Variants in FAT3 observed in about 807,000 individuals in gnomAD.
The protein encoded by FAT3 is FAT atypical cadherin 3, also known as protocadherin Fat 3.
Under a neutral mutation model 310.2 loss-of-function variants are expected in FAT3, and 95 were observed. The observed-to-expected ratio is 0.31, with a 90% confidence interval of 0.26 to 0.36. FAT3 has a LOEUF of 0.36. Among genes scored for constraint, FAT3 ranks in the 10% least tolerant of loss-of-function variants. The pLI, the probability that FAT3 is intolerant of heterozygous loss-of-function variation, is 1.00. For synonymous variants in FAT3, 2,314 were observed against 2,192.9 expected (o/e 1.06, Z -1.54); for missense variants, 5,408 against 5,715.6 (o/e 0.95, Z 1.74).
chr11:92,466,026 T>C (rs1951751391), intron 2 of FAT3, among the ~76,000 whole-genome samples: 1 of 152,188 alleles, frequency 6.6e-6, no homozygotes, highest in Admixed American at 6.5e-5. Context: ...CATCACCTGA[T>C]TTCATTATCT....
chr11:92,763,179 C>T (rs574519736), intron 5 of FAT3, among the ~76,000 whole-genome samples: 1 of 151,356 alleles, frequency 6.6e-6, no homozygotes, highest in South Asian at 2.1e-4. Flanking sequence ...AAGGCACCAT[C>T]CACCACTCTT....
chr11:92,705,719 G>T (rs1316881397), intron 4 of FAT3, among the ~76,000 whole-genome samples: 8 of 137,330 alleles, frequency 5.8e-5, no homozygotes, highest in African/African-American at 2.2e-4. Flanking sequence ...TGGTGGTGGT[G>T]GTGGTGTGAT....
At chr11:92,520,634 G>T (rs1330721099) in intron 2 of FAT3, among the ~76,000 whole-genome samples, 1 of 152,090 alleles carries the variant, frequency 6.6e-6, no homozygotes, top group Non-Finnish European at 1.5e-5. Context: ...ATTCTTAGCT[G>T]TGACTATGTT....
At chr11:92,316,043 G>T (rs900270971) in intron 1 of FAT3, among the ~76,000 whole-genome samples, 3 of 151,766 alleles carry the variant, frequency 2.0e-5, no homozygotes, top group African/African-American at 7.3e-5. Context: ...ATCATTAAAA[G>T]ATTTCCTAAG....
At chr11:92,627,459 G>A (rs773496383) in intron 3 of FAT3, among the ~76,000 whole-genome samples, 1 of 152,054 alleles carries the variant, frequency 6.6e-6, no homozygotes, top group Non-Finnish European at 1.5e-5. Context: ...GTGTTTCCTG[G>A]GATTTAAACT....
chr11:92,729,507 C>T (rs1290739145), intron 4 of FAT3, among the ~76,000 whole-genome samples: 1 of 150,044 alleles, frequency 6.7e-6, no homozygotes, highest in Admixed American at 6.7e-5. Context: ...GCTCACTGCA[C>T]CCTCTGCCTC....
rs1382790439 is a variant in FAT3, at chr11:92,866,910, C to T, written c.11828C>T (p.Ala3943Val). Residue 3943 changes from alanine (A) to valine (V), a missense_variant, in exon 22 of 28, where the codon GCG becomes GTG. By Grantham distance (64) the Ala-to-Val change is moderately conservative (BLOSUM62 0). Around this residue, in one of 5 missense-constraint regions of FAT3, gnomAD observed 4,588 missense variants for 4,809.8 expected, o/e 0.95. Coordinates refer to ENST00000525166, the MANE Select transcript of FAT3 (RefSeq NM_001367949.2). ...GACAGCTACGTGGAGCGGCGCCGGG[C>T]GCCCCTCTACTTCCAGACGCTGAGC... Reference protein sequence around the residue: ...LDDSYVERRRAPLYFQTLSTE... With the variant: ...LDDSYVERRRVPLYFQTLSTE... The T allele has an allele frequency of 3.7e-6, 6 of 1,613,982 alleles. No individual in the cohort carries two copies. In the South Asian group the frequency reaches 6.6e-5, roughly 18 times the overall value.
intron 4 of FAT3, chr11:92,748,852 C>A (rs898823806): frequency 6.6e-6 from 1 of 152,156 alleles, no homozygotes; most frequent in Non-Finnish European, 1.5e-5. Flanking sequence ...ATGACTTCAC[C>A]TTTCAGAAAG....
chr11:92,804,502 C>G (rs1947448119), intron 10 of FAT3, among the ~76,000 whole-genome samples: 1 of 152,116 alleles, frequency 6.6e-6, no homozygotes. Context: ...TGTTCCACTT[C>G]ATCTGTTTTC....
At chr11:92,852,074 T>G (rs1948844571) in intron 19 of FAT3, among the ~76,000 whole-genome samples, 1 of 152,190 alleles carries the variant, frequency 6.6e-6, no homozygotes, top group African/African-American at 2.4e-5. Context: ...GAAAGAGGGT[T>G]GCTATCCCCA....
chr11:92,577,528 C>G (rs1043601003), intron 3 of FAT3, among the ~76,000 whole-genome samples: 1 of 152,046 alleles, frequency 6.6e-6, no homozygotes, highest in African/African-American at 2.4e-5. Flanking sequence ...GGGTAATTAG[C>G]ATACACTTCA....
chr11:92,873,460 G>A (rs964550254), intron 22 of FAT3, among the ~76,000 whole-genome samples: 1 of 152,188 alleles, frequency 6.6e-6, no homozygotes, highest in Non-Finnish European at 1.5e-5. Context: ...TATCAAGGCA[G>A]CCAAACCTGA....
chr11:92,695,450 C>A (rs1323546970), intron 3 of FAT3, among the ~76,000 whole-genome samples: 1 of 152,052 alleles, frequency 6.6e-6, no homozygotes, highest in Non-Finnish European at 1.5e-5. Flanking sequence ...CTCTTTACAT[C>A]CAAGAGTGCC....
chr11:92,845,535 T>G (rs908824482), intron 19 of FAT3, among the ~76,000 whole-genome samples: 7 of 152,224 alleles, frequency 4.6e-5, no homozygotes, highest in Non-Finnish European at 8.8e-5. Context: ...TTGATGTAAC[T>G]GGAGTCACTG....
At chr11:92,231,282 T>C (rs904352653) in intron 1 of FAT3, among the ~76,000 whole-genome samples, 1 of 152,180 alleles carries the variant, frequency 6.6e-6, no homozygotes. Context: ...CTTTAGGTAT[T>C]CATCATTTAG....
intron 22 of FAT3, among the ~76,000 whole-genome samples, chr11:92,877,709 C>T (rs1249348655): frequency 6.6e-6 from 1 of 152,182 alleles, no homozygotes; most frequent in African/African-American, 2.4e-5. Flanking sequence ...TATTGCTATA[C>T]TCTTCAATGT....
chr11:92,874,463 C>T (rs775922610), intron 22 of FAT3, among the ~76,000 whole-genome samples: 8 of 152,166 alleles, frequency 5.3e-5, no homozygotes, highest in Non-Finnish European at 1.0e-4. Context: ...TGAGCTTGGG[C>T]TCAGTGATAA....
intron 13 of FAT3, among the ~76,000 whole-genome samples, chr11:92,820,785 T>G (rs1446708609): frequency 1.3e-5 from 2 of 152,226 alleles, no homozygotes; most frequent in Non-Finnish European, 2.9e-5. Context: ...TGTTTTGTTA[T>G]GCTGTTAAGT....
At chr11:92,347,747 A>G (rs1489053290) in intron 1 of FAT3, among the ~76,000 whole-genome samples, 2 of 152,192 alleles carry the variant, frequency 1.3e-5, no homozygotes, top group African/African-American at 4.8e-5. Context: ...AAATGTCTCA[A>G]AGATTGATGG....
Sources: allele counts gnomAD v4.1 joint callset (sites outside exome capture counted in the v4.1 genomes callset), GRCh38; gene constraint gnomAD v4.1.1; regional missense constraint gnomAD v4.1.1; transcripts MANE v1.5; gene names NCBI Gene and HGNC (gene_info 2026-07-23, HGNC 2026-07-21).